Variants in FAM227B observed in about 807,000 individuals in gnomAD.
FAM227B encodes family with sequence similarity 227 member B.
A neutral mutation model predicts 73.8 loss-of-function variants in FAM227B; 88 were observed. The ratio of observed to expected loss-of-function variants is 1.19; its 90% CI spans 1.00 to 1.42. The LOEUF (loss-of-function observed/expected upper bound fraction) is 1.42, where lower values mean the gene tolerates loss of function less well. Among genes scored for constraint, FAM227B ranks in the 40% most tolerant of loss-of-function variants. FAM227B has a pLI of 0.00. For missense variants in FAM227B, 632 were observed against 590.9 expected, an observed-to-expected ratio of 1.07 and a Z score of -0.72; for synonymous variants, 210 against 190.5, an observed-to-expected ratio of 1.10 and a Z score of -0.84.
At chr15:49,500,513 C>G (rs1362566703) in intron 11 of FAM227B, among the ~76,000 whole-genome samples, 1 of 152,194 alleles carries the variant, frequency 6.6e-6, no homozygotes, top group Non-Finnish European at 1.5e-5. Context: ...AGAAGCTCAT[C>G]ATGATTGATC....
intron 11 of FAM227B, among the ~76,000 whole-genome samples, chr15:49,393,894 T>A (rs776535382): frequency 2.6e-5 from 4 of 152,188 alleles, no homozygotes; most frequent in Non-Finnish European, 4.4e-5. Flanking sequence ...ACCAATTTTA[T>A]TTTTTAAATA....
intron 15 of FAM227B, chr15:49,330,567 C>T (rs1325607172): frequency 6.6e-6 from 1 of 152,062 alleles, no homozygotes; most frequent in East Asian, 1.9e-4. Context: ...CATGGCTATC[C>T]AGTGCGCTAC....
chr15:49,415,200 C>T (rs1462224314), intron 11 of FAM227B, among the ~76,000 whole-genome samples: 1 of 151,970 alleles, frequency 6.6e-6, no homozygotes, highest in Non-Finnish European at 1.5e-5. Flanking sequence ...CTAGTTTTAC[C>T]CCTCATTTTG....
chr15:49,470,403 A>G (rs2054638209), intron 11 of FAM227B, among the ~76,000 whole-genome samples: 1 of 152,188 alleles, frequency 6.6e-6, no homozygotes, highest in Non-Finnish European at 1.5e-5. Context: ...TATCTAGTAC[A>G]GCTACAATTT....
At chr15:49,574,908 T>C (rs2075351929) in intron 8 of FAM227B, 103 bp downstream of exon 8, 3 of 608,304 alleles carry the variant, frequency 4.9e-6, no homozygotes, top group African/African-American at 3.8e-5. Context: ...CTAATCTCTG[T>C]AGTTGCATCC....
intron 11 of FAM227B, among the ~76,000 whole-genome samples, chr15:49,476,568 C>A (rs187778205): frequency 4.0e-5 from 6 of 151,174 alleles, no homozygotes; most frequent in Admixed American, 2.6e-4. Context: ...GTAAGAAGAT[C>A]TTAATCCATT....
chr15:49,579,167 TGAAGA>T (rs1486666882), intron 5 of FAM227B, among the ~76,000 whole-genome samples: 1 of 152,114 alleles, frequency 6.6e-6, no homozygotes, highest in East Asian at 1.9e-4. Flanking sequence ...CTAGTAAGGA[TGAAGA>T]GAAAAGAGAA....
In FAM227B at chr15:49,489,929, G is replaced by GAGAGAGAGAC. The variant is rs1567384361; in HGVS notation, c.1012+18281_1012+18282insGTCTCTCTCT. Among the ~76,000 whole-genome samples, 43 of 3,952 alleles carry GAGAGAGAGAC rather than the reference G, an allele frequency of 0.011. 10 individuals carry two copies. In the Non-Finnish European group the frequency reaches 0.2, roughly 19 times the overall value. The allele number at this position is 3,952 out of a possible 152,430, so 2.6% of individuals were successfully genotyped here. ...AGAGAGAGAGACAGAGAGAGAGACA[G>GAGAGAGAGAC]AGAGAGAGAGAGAGAGACACCTAGG... On this transcript the variant is annotated intron_variant, in intron 11 of 15. Coordinates refer to ENST00000299338, the MANE Select transcript of FAM227B (RefSeq NM_152647.3).
chr15:49,345,636 T>G (rs1465528376), intron 13 of FAM227B, among the ~76,000 whole-genome samples: 2 of 152,208 alleles, frequency 1.3e-5, no homozygotes, highest in African/African-American at 4.8e-5. Context: ...TACTTTATAT[T>G]CCCATGCACT....
At chr15:49,473,205 C>G (rs1262421315) in intron 11 of FAM227B, among the ~76,000 whole-genome samples, 6 of 152,094 alleles carry the variant, frequency 3.9e-5, no homozygotes, top group Admixed American at 3.9e-4. Context: ...AAAGATGAGA[C>G]AGATTTACTC....
At chr15:49,503,129 T>C (rs8036805) in intron 11 of FAM227B, among the ~76,000 whole-genome samples, 49,817 of 151,990 alleles carry the variant, frequency 0.33, 8,946 homozygotes, top group African/African-American at 0.46. Context: ...CACACATCTA[T>C]AACTATCTGA....
Position 49,426,081 on chromosome 15 carries a change from T to A in FAM227B, c.1013-54682A>T, listed in dbSNP as rs2050106862. On this transcript the variant is annotated intron_variant, in intron 11 of 15. Transcript: ENST00000299338. ...TAATATCATGGATAATAAAACCTGG[T>A]GGAGACGACAGAGCCTAGGTAAAAA... Among the ~76,000 whole-genome samples, 2 of 151,580 alleles carry A rather than the reference T, an allele frequency of 1.3e-5. 1 individual carries two copies. The highest frequency in any genetic ancestry group is 4.1e-4 in the South Asian group (2 of 4,830).
In FAM227B at chr15:49,397,055, C is replaced by G. The variant is rs188625036; in HGVS notation, c.1013-25656G>C. On this transcript the variant is annotated intron_variant, in intron 11 of 15. Coordinates refer to ENST00000299338, the MANE Select transcript of FAM227B (RefSeq NM_152647.3). The stretch of plus-strand genomic sequence containing the variant: ...CAGATGATCAAATTACTCTGAGCTA[C>G]GGGAGGACATTCAAACCAAAGGCAA... 2.6e-5 allele frequency among the ~76,000 whole-genome samples: 4 copies of G among 151,842 alleles called. 1 individual carries two copies. The highest frequency in any genetic ancestry group is 1.3e-4 in the Admixed American group (2 of 15,242).
At chr15:49,394,795 T>C (rs987807087) in intron 11 of FAM227B, among the ~76,000 whole-genome samples, 3 of 152,144 alleles carry the variant, frequency 2.0e-5, no homozygotes, top group South Asian at 4.1e-4. Flanking sequence ...AGTCTATATA[T>C]TGCTGAGATT....
At chr15:49,612,414 C>T (rs948705637) in intron 2 of FAM227B, among the ~76,000 whole-genome samples, 10 of 152,124 alleles carry the variant, frequency 6.6e-5, no homozygotes, top group Non-Finnish European at 1.3e-4. Context: ...CTACAAAGGA[C>T]ATGAACTCAT....
At chr15:49,501,182 T>A (rs910746679) in intron 11 of FAM227B, among the ~76,000 whole-genome samples, 3 of 152,144 alleles carry the variant, frequency 2.0e-5, no homozygotes, top group African/African-American at 7.2e-5. Context: ...CAGAAGCAGA[T>A]TTGGAATTGC....
chr15:49,462,575 G>T (rs1412660288), intron 11 of FAM227B, among the ~76,000 whole-genome samples: 1 of 152,152 alleles, frequency 6.6e-6, no homozygotes, highest in Non-Finnish European at 1.5e-5. Flanking sequence ...CACTTTCGTT[G>T]GCACAGAACT....
intron 11 of FAM227B, among the ~76,000 whole-genome samples, chr15:49,383,150 T>A (rs1313782763): frequency 1.3e-5 from 2 of 152,058 alleles, no homozygotes; most frequent in Admixed American, 6.6e-5. Context: ...CAGAACAATA[T>A]ATAAACTAGA....
At chr15:49,391,539 A>T (rs917687677) in intron 11 of FAM227B, among the ~76,000 whole-genome samples, 1 of 152,148 alleles carries the variant, frequency 6.6e-6, no homozygotes, top group South Asian at 2.1e-4. Context: ...TAAAGGGAAT[A>T]TGAAATCTGA....
Sources: allele counts gnomAD v4.1 joint callset (sites outside exome capture counted in the v4.1 genomes callset), GRCh38; gene constraint gnomAD v4.1.1; transcripts MANE v1.5; gene names NCBI Gene and HGNC (gene_info 2026-07-23, HGNC 2026-07-21).